Variants in TOM1L2 observed in about 807,000 individuals in gnomAD.
The protein encoded by TOM1L2 is TOM1-like protein 2.
A neutral mutation model predicts 67.9 loss-of-function variants in TOM1L2; 31 were observed. That is an observed-to-expected ratio of 0.46 (90% CI 0.34 to 0.62). TOM1L2 has a LOEUF of 0.62. Ranked by LOEUF, TOM1L2 falls within the 20% of genes least tolerant of loss-of-function variation. The pLI is 0.01. For synonymous variants in TOM1L2, 256 were observed against 254.0 expected, an observed-to-expected ratio of 1.01 and a Z score of -0.07; for missense variants, 606 against 663.5, an observed-to-expected ratio of 0.91 and a Z score of 0.95.
intron 3 of TOM1L2, among the ~76,000 whole-genome samples, chr17:17,896,204 C>T (rs2038560710): frequency 1.3e-5 from 2 of 152,064 alleles, no homozygotes; most frequent in South Asian, 4.1e-4. Context: ...CTTACAGGCA[C>T]CCTTCTCTCT....
At chr17:17,880,834 G>A (rs2037684701) in intron 6 of TOM1L2, among the ~76,000 whole-genome samples, 1 of 152,186 alleles carries the variant, frequency 6.6e-6, no homozygotes, top group Admixed American at 6.5e-5. Flanking sequence ...CCTGCTCAAA[G>A]GTCCAGAGAG....
intron 1 of TOM1L2, among the ~76,000 whole-genome samples, chr17:17,928,152 G>GT (rs1555609024): frequency 9.3e-6 from 1 of 107,688 alleles, no homozygotes; most frequent in Non-Finnish European, 1.7e-5. Context: ...GAAATTTTCT[G>GT]TAACAACAAA....
intron 1 of TOM1L2, among the ~76,000 whole-genome samples, chr17:17,908,493 A>G (rs543100433): frequency 2.8e-4 from 43 of 152,340 alleles, no homozygotes; most frequent in African/African-American, 4.3e-4. Flanking sequence ...AGGACACAAC[A>G]CAGTGAACCT....
At chr17:17,884,870 T>C (rs2037915891) in intron 4 of TOM1L2, 102 bp from the exon 5 acceptor site, 3 of 1,468,436 alleles carry the variant, frequency 2.0e-6, no homozygotes, top group Non-Finnish European at 2.8e-6. Flanking sequence ...AGTGCTCTCC[T>C]ACTTGCACAT....
intron 1 of TOM1L2, among the ~76,000 whole-genome samples, chr17:17,967,251 C>G (rs940238814): frequency 2.6e-5 from 4 of 152,204 alleles, no homozygotes; most frequent in Non-Finnish European, 5.9e-5. Context: ...CTGCTTCTTG[C>G]CTGTTTATTA....
intron 1 of TOM1L2, among the ~76,000 whole-genome samples, chr17:17,911,540 G>GCTTT (rs2039349576): frequency 6.6e-6 from 1 of 152,136 alleles, no homozygotes; most frequent in African/African-American, 2.4e-5. Flanking sequence ...ACTGAACTTT[G>GCTTT]CTTTCCTCTG....
chr17:17,868,742 G>A (rs1441225507), intron 8 of TOM1L2, among the ~76,000 whole-genome samples: 3 of 152,080 alleles, frequency 2.0e-5, no homozygotes, highest in African/African-American at 7.2e-5. Context: ...GAATTTGCAG[G>A]TTTGTTACCT....
chr17:17,939,239 T>C lies in TOM1L2; in HGVS notation c.53-31708A>G, dbSNP rs528078685. On this transcript the variant is annotated intron_variant, in intron 1 of 14. Coordinates refer to ENST00000379504, the MANE Select transcript of TOM1L2 (RefSeq NM_001082968.2). ...GTTGAGACGAATACCAGGCAAAAAG[T>C]TGGCAGCTGGCTTTTAGAGTTGAAA... Among the ~76,000 whole-genome samples the C allele has an allele frequency of 9.2e-5, 14 of 152,338 alleles. No individual in the cohort carries two copies. The South Asian group carries it at 2.5e-3, about 27-fold the overall frequency.
At chr17:17,869,549 G>A in intron 7 of TOM1L2, 76 bp from the exon 8 acceptor site, 1 of 1,501,888 alleles carries the variant, frequency 6.7e-7, no homozygotes, top group Non-Finnish European at 8.9e-7. Context: ...GAAAAAATTT[G>A]TACTGATTCT....
chr17:17,949,718 G>A (rs112909414), intron 1 of TOM1L2, among the ~76,000 whole-genome samples: 5 of 152,342 alleles, frequency 3.3e-5, no homozygotes, highest in East Asian at 1.9e-4. Flanking sequence ...GGTGTGTCCC[G>A]AAAAGGTGCA....
intron 1 of TOM1L2, among the ~76,000 whole-genome samples, chr17:17,971,480 C>G (rs1400834122): frequency 6.6e-6 from 1 of 152,114 alleles, no homozygotes; most frequent in Non-Finnish European, 1.5e-5. Flanking sequence ...AGCCCCTCCT[C>G]CTATCCCAGT....
At chr17:17,928,595 A>T (rs1227380199) in intron 1 of TOM1L2, among the ~76,000 whole-genome samples, 3 of 152,202 alleles carry the variant, frequency 2.0e-5, no homozygotes, top group African/African-American at 7.2e-5. Context: ...GAGCATGCAC[A>T]CACGAGATGA....
At chr17:17,911,265 T>C (rs1232496287) in intron 1 of TOM1L2, among the ~76,000 whole-genome samples, 2 of 152,150 alleles carry the variant, frequency 1.3e-5, no homozygotes, top group Non-Finnish European at 2.9e-5. Context: ...GAAGATTTAA[T>C]GGGAGCCGTA....
chr17:17,898,738 T>TA lies in TOM1L2; in HGVS notation c.138-65dup, dbSNP rs1490202378. ...CCACTTGAGGACACGATCCTACAGA[T>TA]ATGTGAACTAGTATATATGCAAGAC... On this transcript the variant is annotated intron_variant, in intron 2 of 14. Coordinates refer to ENST00000379504, the MANE Select transcript of TOM1L2 (RefSeq NM_001082968.2). The TA allele has an allele frequency of 2.6e-6, 4 of 1,516,762 alleles. No homozygotes were observed. In the African/African-American group the frequency reaches 5.5e-5, roughly 21 times the overall value. 94.0% of individuals were successfully genotyped at this position (1,516,762 alleles called of 1,614,324 possible).
At chr17:17,959,544 A>C (rs1241987704) in intron 1 of TOM1L2, among the ~76,000 whole-genome samples, 3 of 151,812 alleles carry the variant, frequency 2.0e-5, no homozygotes, top group Non-Finnish European at 4.4e-5. Context: ...AGCATAGGAG[A>C]CTCTCGCTCT....
chr17:17,957,021 CTCTCAAGA>C (rs2041487121), intron 1 of TOM1L2, among the ~76,000 whole-genome samples: 1 of 152,238 alleles, frequency 6.6e-6, no homozygotes, highest in Admixed American at 6.5e-5. Context: ...ACGCTGTCAC[CTCTCAAGA>C]GTACAGTGGC....
At chr17:17,952,376 C>CTTTTTTTTTTTTTTT (rs60388742) in intron 1 of TOM1L2, among the ~76,000 whole-genome samples, 13 of 79,896 alleles carry the variant, frequency 1.6e-4, no homozygotes, top group African/African-American at 4.4e-4. Flanking sequence ...TCTTTATTTT[C>CTTTTTTTTTTTTTTT]TTTTTTTTTT....
intron 13 of TOM1L2, 51 bp downstream of exon 13, chr17:17,850,842 A>G: frequency 6.3e-7 from 1 of 1,597,928 alleles, no homozygotes; most frequent in Middle Eastern, 1.7e-4. Flanking sequence ...TCCTCAGAAG[A>G]GCCTCTGCCG....
intron 1 of TOM1L2, among the ~76,000 whole-genome samples, chr17:17,960,733 A>T (rs1338042744): frequency 6.6e-6 from 1 of 152,182 alleles, no homozygotes; most frequent in African/African-American, 2.4e-5. Context: ...AAAAAACAAA[A>T]TAGAGTGATA....
Sources: allele counts gnomAD v4.1 joint callset (sites outside exome capture counted in the v4.1 genomes callset), GRCh38; gene constraint gnomAD v4.1.1; transcripts MANE v1.5; gene names NCBI Gene and HGNC (gene_info 2026-07-23, HGNC 2026-07-21).